The following SETD5 variants were observed in gnomAD, a reference collection of about 807,000 sequenced individuals.
SETD5 encodes the protein histone-lysine N-methyltransferase SETD5.
Under a neutral mutation model 153.3 loss-of-function variants are expected in SETD5, and 44 were observed. The ratio of observed to expected loss-of-function variants is 0.29; its 90% CI spans 0.23 to 0.37. The LOEUF (loss-of-function observed/expected upper bound fraction) is 0.37, where lower values mean the gene tolerates loss of function less well. Ranked by LOEUF, SETD5 falls within the 10% of genes least tolerant of loss-of-function variation. The pLI is 1.00. For missense variants in SETD5, 1,544 were observed against 1,768.0 expected, an observed-to-expected ratio of 0.87 and a Z score of 2.27; for synonymous variants, 716 against 645.2, an observed-to-expected ratio of 1.11 and a Z score of -1.66.
At chr3:9,402,147 G>C (rs935272425) in intron 1 of SETD5, among the ~76,000 whole-genome samples, 7 of 152,098 alleles carry the variant, frequency 4.6e-5, no homozygotes, top group African/African-American at 1.7e-4. Context: ...ATAAGTCTTA[G>C]GAAAACTGTT....
At position 9,475,953 on chromosome 3, in the gene SETD5, A is replaced by G. The variant is rs751127122; in HGVS notation, c.4191A>G (p.Ser1397=). Reference sequence around the variant, plus strand: ...TCAGTCTGCCCAGTGCTGGGCAGTCAGCTGTCTACCAGGCCTCCAGGGTAT... The same window carrying G: ...TCAGTCTGCCCAGTGCTGGGCAGTCGGCTGTCTACCAGGCCTCCAGGGTAT... The part of the protein sequence containing the change: ...RTISLPSAGQ[S]AVYQASRVSA... The change falls in exon 23 of 23, where the codon TCA becomes TCG. Residue 1397 remains serine, a synonymous_variant. Transcript: ENST00000402198. 1.9e-6 allele frequency: 3 copies of G among 1,614,012 alleles called. No homozygotes were observed. Among genetic ancestry groups the G allele is most frequent in the South Asian group, 1.1e-5 (1 of 91,086 alleles).
intron 1 of SETD5, among the ~76,000 whole-genome samples, chr3:9,422,709 TTA>T (rs2038590513): frequency 6.6e-6 from 1 of 152,202 alleles, no homozygotes; most frequent in African/African-American, 2.4e-5. Context: ...TGTGTTCACT[TTA>T]TGTTTTGTCA....
intron 8 of SETD5, 44 bp downstream of exon 8, chr3:9,440,742 TAAG>T: frequency 6.3e-7 from 1 of 1,584,396 alleles, no homozygotes. Flanking sequence ...GCTGAAATTT[TAAG>T]AACCCAGGAA....
At chr3:9,426,263 A>G (rs1160513114) in intron 2 of SETD5, 1 of 84,692 alleles carries the variant, frequency 1.2e-5, no homozygotes, top group Non-Finnish European at 2.2e-5. Context: ...GGCAACAGGG[A>G]CTCACTTTGT....
At chr3:9,410,560 G>A (rs538733878) in intron 1 of SETD5, among the ~76,000 whole-genome samples, 1 of 152,178 alleles carries the variant, frequency 6.6e-6, no homozygotes, top group Non-Finnish European at 1.5e-5. Flanking sequence ...AATTTACGAA[G>A]CTGGGTATAA....
At chr3:9,467,522 G>A (rs912525032) in intron 18 of SETD5, among the ~76,000 whole-genome samples, 1 of 152,024 alleles carries the variant, frequency 6.6e-6, no homozygotes, top group African/African-American at 2.4e-5. Context: ...ACCACCCACT[G>A]TCCATGCCAA....
intron 1 of SETD5, among the ~76,000 whole-genome samples, chr3:9,407,264 G>C (rs1014627141): frequency 6.6e-6 from 1 of 152,094 alleles, no homozygotes; most frequent in Non-Finnish European, 1.5e-5. Context: ...GGAGGCAGAG[G>C]TTGCAGTGAG....
At chr3:9,415,674 A>G (rs4308263) in intron 1 of SETD5, among the ~76,000 whole-genome samples, 39,363 of 151,448 alleles carry the variant, frequency 0.26, 5,921 homozygotes, top group African/African-American at 0.41. Context: ...TCAACTCTTA[A>G]TTAGGCTCAA....
chr3:9,431,305 C>T, intron 3 of SETD5: 1 of 985,366 alleles, frequency 1.0e-6, no homozygotes, highest in Non-Finnish European at 1.2e-6. Context: ...GTACTTAGAA[C>T]ACTGTTGATG....
chr3:9,434,592 G>C lies in SETD5; in HGVS notation c.329+107G>C. Reference sequence around the variant, plus strand: ...CTTTCTTGTGTTTGTTAATGTAGATGATTCCTTAGTGCTCCTTGGCTCGAA... The same window carrying C: ...CTTTCTTGTGTTTGTTAATGTAGATCATTCCTTAGTGCTCCTTGGCTCGAA... On this transcript the variant is annotated intron_variant, in intron 5 of 22. Transcript: ENST00000402198. The surrounding 1 kb of genome is among the most constrained non-coding windows in gnomAD (Gnocchi z 5.6). The C allele has an allele frequency of 6.5e-7, 1 of 1,532,540 alleles. No homozygotes were observed. The highest frequency in any genetic ancestry group is 8.8e-7 in the Non-Finnish European group (1 of 1,139,502). The allele number at this position is 1,532,540 out of a possible 1,614,324, so 94.9% of individuals were successfully genotyped here. A position where few individuals can be genotyped will look rare whatever the true frequency, so the allele number is the denominator to read the frequency against.
chr3:9,424,769 T>C (rs1293377002), intron 2 of SETD5, among the ~76,000 whole-genome samples: 3 of 152,222 alleles, frequency 2.0e-5, no homozygotes, highest in African/African-American at 7.2e-5. Flanking sequence ...ATACTGCATT[T>C]AGATGATCTG....
At chr3:9,429,858 C>T (rs891888542) in intron 3 of SETD5, 38 of 1,303,640 alleles carry the variant, frequency 2.9e-5, no homozygotes, top group East Asian at 1.7e-4. Context: ...CCTTTCAAGA[C>T]GAAGTGGCAC....
At chr3:9,453,093 T>C (rs545388235) in intron 16 of SETD5, among the ~76,000 whole-genome samples, 37 of 152,324 alleles carry the variant, frequency 2.4e-4, no homozygotes, top group Middle Eastern at 3.4e-3. Context: ...TAGGTCTTCT[T>C]TTTGACTTTT....
In SETD5 at chr3:9,441,692, A is replaced by C; in HGVS notation, c.910A>C (p.Lys304Gln). 6.2e-7 allele frequency: 1 copy of C among 1,614,032 alleles called. No homozygotes were observed. The change falls in exon 9 of 23, where the codon AAA becomes CAA. Residue 304 changes from lysine (K) to glutamine (Q), a missense_variant. Lys to Gln is a moderately conservative substitution (Grantham distance 53, BLOSUM62 1). Around this residue, in one of 9 missense-constraint regions of SETD5, gnomAD observed 30 missense variants for 66.0 expected, o/e 0.45. Transcript: ENST00000402198. Reference protein sequence around the residue: ...LDTLIIEYRGKVMLRQQFEVN... With the variant: ...LDTLIIEYRGQVMLRQQFEVN... ...CACTCTTATAATAGAGTATCGTGGG[A>C]AAGTCATGTTACGACAGCAATTTGA... is the stretch of plus-strand genomic sequence containing the variant.
intron 2 of SETD5, 76 bp downstream of exon 2, chr3:9,424,602 G>A (rs2038875628): frequency 6.6e-6 from 1 of 152,116 alleles, no homozygotes; most frequent in Admixed American, 6.6e-5. Context: ...TCATGTTGTA[G>A]TAAATTGTGA....
intron 1 of SETD5, among the ~76,000 whole-genome samples, chr3:9,423,455 G>C (rs2038712154): frequency 6.6e-6 from 1 of 152,078 alleles, no homozygotes; most frequent in Admixed American, 6.5e-5. Context: ...ATAATAAATT[G>C]AAACTGTGAT....
intron 14 of SETD5, 40 bp downstream of exon 14, chr3:9,447,347 C>G (rs928642595): frequency 1.9e-6 from 3 of 1,577,034 alleles, no homozygotes; most frequent in Non-Finnish European, 2.6e-6. Context: ...ACATCCTCAC[C>G]TTTGCTAATG....
intron 7 of SETD5, among the ~76,000 whole-genome samples, chr3:9,436,535 C>T (rs922802021): frequency 6.6e-6 from 1 of 152,150 alleles, no homozygotes; most frequent in African/African-American, 2.4e-5. Flanking sequence ...GGTAAATCTG[C>T]AACTTTAAAG....
intron 8 of SETD5, among the ~76,000 whole-genome samples, chr3:9,441,352 A>ATTTTT (rs375612987): frequency 2.2e-5 from 3 of 138,162 alleles, no homozygotes; most frequent in African/African-American, 8.0e-5. Flanking sequence ...TTAATCATGT[A>ATTTTT]TTTTTTTTTT....
Sources: gnomAD v4.1 joint callset for allele counts (sites outside exome capture counted in the v4.1 genomes callset) on GRCh38, gnomAD v4.1.1 for gene constraint, gnomAD v4.1.1 regional missense constraint, Gnocchi (gnomAD v3.1) non-coding constraint, MANE v1.5 for transcripts, NCBI Gene and HGNC (gene_info 2026-07-23, HGNC 2026-07-21) for gene names.